COL7A1: variants seen among roughly 807,000 people sequenced by gnomAD.
COL7A1 encodes the protein collagen type VII alpha 1 chain, also known as collagen alpha-1(VII) chain.
A neutral mutation model predicts 456.2 loss-of-function variants in COL7A1; 296 were observed. That is an observed-to-expected ratio of 0.65 (90% CI 0.59 to 0.71). The LOEUF (loss-of-function observed/expected upper bound fraction) is 0.71. Ranked by LOEUF, COL7A1 falls within the 30% of genes least tolerant of loss-of-function variation. The pLI is 0.00. For synonymous variants in COL7A1, 1,464 were observed against 1,525.9 expected, an observed-to-expected ratio of 0.96 and a Z score of 0.95; for missense variants, 3,441 against 4,017.2, an observed-to-expected ratio of 0.86 and a Z score of 3.88.
chr3:48,581,374 C>T lies in COL7A1; in HGVS notation c.4819-34G>A, dbSNP rs760539042. 2.9e-5 allele frequency: 47 copies of T among 1,613,510 alleles called. No homozygotes were observed. The East Asian group carries it at 3.3e-4, about 11-fold the overall frequency. On this transcript the variant is annotated intron_variant, in intron 51 of 118. Transcript: ENST00000681320. The surrounding 1 kb of genome is among the most constrained non-coding windows in gnomAD (Gnocchi z 5.8). ...GAGGCAAGAGGGAGGTGATGCAGGA[C>T]GCTCGAAGCAAGCAGTTCTCAAGGG...
chr3:48,568,357 G>T lies in COL7A1; in HGVS notation c.7794+142C>A. On this transcript the variant is annotated intron_variant, in intron 105 of 118. Transcript: ENST00000681320. The surrounding 1 kb of genome is among the most constrained non-coding windows in gnomAD (Gnocchi z 5.2). ...CACCATCATAGGCGGCTACTGTGGA[G>T]GTGGGGGACCCTGGGTGACATGAGG... 2 of 1,061,220 alleles carry T rather than the reference G, an allele frequency of 1.9e-6. No individual in the cohort carries two copies. The highest frequency in any genetic ancestry group is 2.8e-6 in the Non-Finnish European group (2 of 706,852). 65.7% of individuals were successfully genotyped at this position (1,061,220 alleles called of 1,614,324 possible). A position where few individuals can be genotyped will look rare whatever the true frequency, so the allele number is the denominator to read the frequency against.
Position 48,573,969 on chromosome 3 carries a change from G to A in COL7A1, c.6502-79C>T. 7 of 1,562,560 alleles carry A rather than the reference G, an allele frequency of 4.5e-6. No homozygotes were observed. The highest frequency in any genetic ancestry group is 5.2e-6 in the Non-Finnish European group (6 of 1,145,858). Reference sequence around the variant, plus strand: ...CCCAACCTCTGGGGGCTTTTTCCTTGGGGGTCAATTTCCATACCTCACCCT... The same window carrying A: ...CCCAACCTCTGGGGGCTTTTTCCTTAGGGGTCAATTTCCATACCTCACCCT... On this transcript the variant is annotated intron_variant, in intron 80 of 118. Transcript: ENST00000681320. The surrounding 1 kb of genome is among the most constrained non-coding windows in gnomAD (Gnocchi z 5.5).
rs1064797079 is a variant in COL7A1 at position 48,588,988 on chromosome 3, C to CTCAG, written c.2318_2321dup (p.Glu774AspfsTer2). ...GCAGCCTCGACACACGACCCACAGG[C>CTCAG]TCAGGGGCTGGGGACAGAGGCAAGG... On this transcript the variant is annotated stop_gained and frameshift_variant, in exon 19 of 119. Coordinates refer to ENST00000681320, the MANE Select transcript of COL7A1 (RefSeq NM_000094.4). LOFTEE classifies it high-confidence loss of function. This position sits in a 1 kb window ranked among gnomAD's most constrained non-coding sequence, Gnocchi z 4.6. 1.2e-6 allele frequency: 2 copies of CTCAG among 1,613,434 alleles called. No individual in the cohort carries two copies. Among genetic ancestry groups the CTCAG allele is most frequent in the East Asian group, 2.2e-5 (1 of 44,890 alleles).
intron 44 of COL7A1, 128 bp downstream of exon 44, chr3:48,582,884 AT>A: frequency 7.1e-7 from 1 of 1,412,536 alleles, no homozygotes; most frequent in Non-Finnish European, 1.0e-6. Flanking sequence ...TAGAGCCTGT[AT>A]CAGCAGGGAT....
Position 48,570,736 on chromosome 3 carries a change from G to C in COL7A1, c.7273-26C>G. The C allele has an allele frequency of 6.4e-7, 1 of 1,564,528 alleles. No homozygotes were observed. ...CTACCAGAAAAATGGGGCAAGAGAG[G>C]CAGAGAGTGACTTGGGAACCCTCCT... On this transcript the variant is annotated intron_variant, in intron 95 of 118. Coordinates refer to ENST00000681320, the MANE Select transcript of COL7A1 (RefSeq NM_000094.4). This position sits in a 1 kb window ranked among gnomAD's most constrained non-coding sequence, Gnocchi z 5.5.
rs570837917 is a variant in COL7A1 at position 48,566,899 on chromosome 3, C to T, written c.8226+8G>A. 1 of 1,596,556 alleles carries T rather than the reference C, an allele frequency of 6.3e-7. No individual in the cohort carries two copies. The highest frequency in any genetic ancestry group is 1.7e-5 in the Admixed American group (1 of 57,464). On this transcript the variant is annotated splice_region_variant and intron_variant, in intron 111 of 118. Coordinates refer to ENST00000681320, the MANE Select transcript of COL7A1 (RefSeq NM_000094.4). This position sits in a 1 kb window ranked among gnomAD's most constrained non-coding sequence, Gnocchi z 5.9. Reference sequence around the variant, plus strand: ...CAGGGATCAGGAGTCAGAGCTGGGGCCCCTTACCTTCTGGCCCTGAAGTCC... The same window carrying T: ...CAGGGATCAGGAGTCAGAGCTGGGGTCCCTTACCTTCTGGCCCTGAAGTCC...
Position 48,576,542 on chromosome 3 carries a change from G to A in COL7A1, c.5716C>T (p.Pro1906Ser), listed in dbSNP as rs1227012449. Residue 1906 changes from proline to serine, a missense_variant, in exon 69 of 119, where the codon CCA (proline) becomes TCA (serine). Physicochemically the swap from Pro to Ser is moderately conservative, Grantham distance 74 (BLOSUM62 -1). Coordinates refer to ENST00000681320, the MANE Select transcript of COL7A1 (RefSeq NM_000094.4). ...CTCACCTTGGGGCCCGTGCCTCCTG[G>A]GACACCAGGAAAACCCTGAGATACG... is the stretch of plus-strand genomic sequence containing the variant. Reference protein sequence around the residue: ...GPPGQGFPGVPGGTGPKGDRG... With the variant: ...GPPGQGFPGVSGGTGPKGDRG... 2 of 1,610,690 alleles carry A rather than the reference G, an allele frequency of 1.2e-6. No homozygotes were observed. The highest frequency in any genetic ancestry group is 8.5e-7 in the Non-Finnish European group (1 of 1,178,874).
At position 48,585,942 on chromosome 3, in the gene COL7A1, T is replaced by C. The variant is rs1180516423; in HGVS notation, c.3757A>G (p.Lys1253Glu). Residue 1253 changes from lysine (K) to glutamate (E), a missense_variant and splice_region_variant, in exon 29 of 119, where the codon AAG becomes GAG. By Grantham distance (56) the Lys-to-Glu change is moderately conservative. Coordinates refer to ENST00000681320, the MANE Select transcript of COL7A1 (RefSeq NM_000094.4). The surrounding 1 kb of genome is among the most constrained non-coding windows in gnomAD (Gnocchi z 4.5). ...RPEPCPVYCPKGQKGEPGEMG... is the reference protein window; with the variant it reads ...RPEPCPVYCPEGQKGEPGEMG... ...ACCTCTCGATGAGGGACTCTTACCT[T>C]TGGACAATACACTGGGCAGGGCTCT... 3 of 1,613,932 alleles carry C rather than the reference T, an allele frequency of 1.9e-6. No homozygotes were observed. The African/African-American group carries it at 4.0e-5, about 22-fold the overall frequency.
At position 48,594,866 on chromosome 3, in the gene COL7A1, A is replaced by G. The variant is rs545205367; in HGVS notation, c.85+209T>C. ...GGACCCCGCACGCATCCAGGGAGCC[A>G]GAATTTGGGTAGGAACAGGATAGGA... On this transcript the variant is annotated intron_variant, in intron 2 of 118. Coordinates refer to ENST00000681320, the MANE Select transcript of COL7A1 (RefSeq NM_000094.4). The surrounding 1 kb of genome is among the most constrained non-coding windows in gnomAD (Gnocchi z 5.5). Among the ~76,000 whole-genome samples the G allele has an allele frequency of 1.3e-5, 2 of 152,312 alleles. No individual in the cohort carries two copies. Among genetic ancestry groups the G allele is most frequent in the Admixed American group, 1.3e-4 (2 of 15,306 alleles).
intron 18 of COL7A1, 52 bp downstream of exon 18, chr3:48,589,275 A>G (rs947182546): frequency 1.2e-6 from 2 of 1,610,174 alleles, no homozygotes; most frequent in African/African-American, 2.7e-5. Flanking sequence ...AACACACAGC[A>G]GGGCAGGGTA....
chr3:48,586,045 A>T lies in COL7A1; in HGVS notation c.3723+29T>A. The T allele has an allele frequency of 6.2e-7, 1 of 1,613,158 alleles. No individual in the cohort carries two copies. Among genetic ancestry groups the T allele is most frequent in the Non-Finnish European group, 8.5e-7 (1 of 1,179,948 alleles). ...ACCCCCAGACCCCTTATATTCTACCACCCAGTCCCCCAGAGGCCTCTTCCA... is the reference window on the plus strand; with the variant it reads ...ACCCCCAGACCCCTTATATTCTACCTCCCAGTCCCCCAGAGGCCTCTTCCA... On this transcript the variant is annotated intron_variant, in intron 28 of 118. Transcript: ENST00000681320. The surrounding 1 kb of genome is among the most constrained non-coding windows in gnomAD (Gnocchi z 5.1).
Position 48,580,415 on chromosome 3 carries a change from G to T in COL7A1, c.5053-71C>A. 6.4e-7 allele frequency: 1 copy of T among 1,556,400 alleles called. No homozygotes were observed. The highest frequency in any genetic ancestry group is 8.8e-7 in the Non-Finnish European group (1 of 1,138,936). ...TGGGAGAGCTTTGGAAGCACCATGA[G>T]GACTCATGGGAATGTTGGTAGCCTT... On this transcript the variant is annotated intron_variant, in intron 55 of 118. Transcript: ENST00000681320. This position sits in a 1 kb window ranked among gnomAD's most constrained non-coding sequence, Gnocchi z 4.5.
In COL7A1 at chr3:48,578,295, G is replaced by A. The variant is rs775989995; in HGVS notation, c.5532+26C>T. ...GTGCTGGCGTTTCTTGGCAGGTTTC[G>A]CCGCAGCTGCCCTGGACACACTCAC... On this transcript the variant is annotated intron_variant, in intron 65 of 118. Coordinates refer to ENST00000681320, the MANE Select transcript of COL7A1 (RefSeq NM_000094.4). The surrounding 1 kb of genome is among the most constrained non-coding windows in gnomAD (Gnocchi z 4.7). 7.6e-5 allele frequency: 122 copies of A among 1,611,956 alleles called. No homozygotes were observed. The highest frequency in any genetic ancestry group is 6.3e-4 in the South Asian group (57 of 90,998).
At position 48,585,427 on chromosome 3, in the gene COL7A1, T is replaced by TC. The variant is rs1451852856; in HGVS notation, c.3894+129_3894+130insG. On this transcript the variant is annotated intron_variant, in intron 32 of 118. Coordinates refer to ENST00000681320, the MANE Select transcript of COL7A1 (RefSeq NM_000094.4). This position sits in a 1 kb window ranked among gnomAD's most constrained non-coding sequence, Gnocchi z 4.5. Reference sequence around the variant, plus strand: ...GTGTCCCCCAAAGTCTCTGTGGTGGTTTATAACCTCCAGCTGGGCTTCTAG... The same window carrying TC: ...GTGTCCCCCAAAGTCTCTGTGGTGGTCTTATAACCTCCAGCTGGGCTTCTAG... 8.9e-7 allele frequency: 1 copy of TC among 1,122,234 alleles called. No homozygotes were observed. Among genetic ancestry groups the TC allele is most frequent in the Non-Finnish European group, 1.3e-6 (1 of 747,714 alleles). 69.5% of individuals were successfully genotyped at this position (1,122,234 alleles called of 1,614,324 possible). A position where few individuals can be genotyped will look rare whatever the true frequency, so the allele number is the denominator to read the frequency against.
Position 48,569,293 on chromosome 3 carries a change from C to T in COL7A1, c.7686+82G>A. On this transcript the variant is annotated intron_variant, in intron 103 of 118. Transcript: ENST00000681320. The surrounding 1 kb of genome is among the most constrained non-coding windows in gnomAD (Gnocchi z 4.9). ...AAACCCCAGAAAGCCTCCTCCTGTC[C>T]TCCCCTCCTGCCCTCACAGATGCTG... 2 of 1,539,848 alleles carry T rather than the reference C, an allele frequency of 1.3e-6. No homozygotes were observed. The highest frequency in any genetic ancestry group is 2.2e-5 in the East Asian group (1 of 44,466).
At position 48,586,654 on chromosome 3, in the gene COL7A1, T is replaced by A. The variant is rs2045286447; in HGVS notation, c.3312A>T (p.Pro1104=). The A allele has an allele frequency of 1.9e-6, 3 of 1,611,588 alleles. No homozygotes were observed. Among genetic ancestry groups the A allele is most frequent in the Non-Finnish European group, 2.5e-6 (3 of 1,179,090 alleles). Residue 1104 remains proline, a synonymous_variant, in exon 26 of 119, where the codon CCA becomes CCT. Transcript: ENST00000681320. This position sits in a 1 kb window ranked among gnomAD's most constrained non-coding sequence, Gnocchi z 5.1. ...GLLSYSHRPS[P]LFPLNGSHDL... ...CATGGGAGCCATTCAGTGGGAACAG[T>A]GGGGAGGGCCGATGACTGTAAGACA...
rs768771610 is a variant in COL7A1, at chr3:48,569,352, G to T, written c.7686+23C>A. The T allele has an allele frequency of 4.3e-6, 7 of 1,613,630 alleles. No individual in the cohort carries two copies. Among genetic ancestry groups the T allele is most frequent in the Non-Finnish European group, 5.9e-6 (7 of 1,179,656 alleles). ...CCACAGCCACAGGACCCCACAGAGA[G>T]TACACCACCCTCTTCCCTGTACCTT... On this transcript the variant is annotated intron_variant, in intron 103 of 118. Coordinates refer to ENST00000681320, the MANE Select transcript of COL7A1 (RefSeq NM_000094.4). This position sits in a 1 kb window ranked among gnomAD's most constrained non-coding sequence, Gnocchi z 4.9.
chr3:48,569,335 A>G lies in COL7A1; in HGVS notation c.7686+40T>C, dbSNP rs1343464561. ...CAGATGCTGTGGAACCACCACAGCC[A>G]CAGGACCCCACAGAGAGTACACCAC... On this transcript the variant is annotated intron_variant, in intron 103 of 118. Transcript: ENST00000681320. This position sits in a 1 kb window ranked among gnomAD's most constrained non-coding sequence, Gnocchi z 4.9. 5 of 1,609,800 alleles carry G rather than the reference A, an allele frequency of 3.1e-6. No homozygotes were observed. Among genetic ancestry groups the G allele is most frequent in the Non-Finnish European group, 3.4e-6 (4 of 1,176,474 alleles).
Position 48,575,572 on chromosome 3 carries a change from G to A in COL7A1, c.5980-33C>T, listed in dbSNP as rs775826866. 1 of 1,612,480 alleles carries A rather than the reference G, an allele frequency of 6.2e-7. No homozygotes were observed. The highest frequency in any genetic ancestry group is 8.5e-7 in the Non-Finnish European group (1 of 1,179,996). ...AGTGGAAGAGAGAATGCTGGTGGCT[G>A]TACAGCTACACCCCACTCCACGGGG... On this transcript the variant is annotated intron_variant, in intron 73 of 118. Coordinates refer to ENST00000681320, the MANE Select transcript of COL7A1 (RefSeq NM_000094.4). This position sits in a 1 kb window ranked among gnomAD's most constrained non-coding sequence, Gnocchi z 6.3.
Sources: gnomAD v4.1 joint callset for allele counts (sites outside exome capture counted in the v4.1 genomes callset) on GRCh38, gnomAD v4.1.1 for gene constraint, Gnocchi (gnomAD v3.1) non-coding constraint, MANE v1.5 for transcripts, NCBI Gene and HGNC (gene_info 2026-07-23, HGNC 2026-07-21) for gene names.